Variants in MAP1LC3C observed in about 807,000 individuals in gnomAD.
The protein encoded by MAP1LC3C is microtubule associated protein 1 light chain 3 gamma, also known as microtubule-associated protein 1 light chain 3 gamma.
MAP1LC3C carries 12 observed loss-of-function variants against 10.4 expected under a neutral mutation model. The observed-to-expected ratio is 1.15, with a 90% CI of 0.74 to 1.86. The LOEUF is 1.86. Ranked by LOEUF, MAP1LC3C falls within the 40% of genes most tolerant of loss-of-function variation. MAP1LC3C has a pLI of 0.00. For missense variants in MAP1LC3C, 177 were observed against 185.7 expected, an observed-to-expected ratio of 0.95 and a Z score of 0.27; for synonymous variants, 70 against 69.0, an observed-to-expected ratio of 1.01 and a Z score of -0.07.
upstream of MAP1LC3C, among the ~76,000 whole-genome samples, chr1:241,999,648 A>C (rs1665157083): frequency 2.0e-5 from 3 of 152,274 alleles, no homozygotes; most frequent in Non-Finnish European, 4.4e-5. Context: ...ATCTCTACTA[A>C]AAATACAAAA....
chr1:241,999,403 T>G (rs921939751), upstream of MAP1LC3C, among the ~76,000 whole-genome samples: 1 of 152,176 alleles, frequency 6.6e-6, no homozygotes, highest in South Asian at 2.1e-4. Flanking sequence ...CCAAGCTGGA[T>G]CCACCTCAGC....
rs1475447105 is a variant in MAP1LC3C, at chr1:241,996,211, G to T, written c.396C>A (p.Ala132=). The change falls in exon 4 of 4, where the codon GCC becomes GCA. Residue 132 remains alanine (A), a synonymous_variant. Transcript: ENST00000357246. ...CCTCAAGGCTGCTCCCATCCCTGGG[G>T]GCTGCTGACTCCAGGCAGCCAAATG... ...QETFGCLESA[A]PRDGSSLEDR... 5 of 1,614,014 alleles carry T rather than the reference G, an allele frequency of 3.1e-6. No homozygotes were observed. The African/African-American group carries it at 6.7e-5, about 22-fold the overall frequency.
chr1:242,000,195 C>G (rs1161070761), upstream of MAP1LC3C, among the ~76,000 whole-genome samples: 2 of 152,216 alleles, frequency 1.3e-5, no homozygotes, highest in East Asian at 3.9e-4. Flanking sequence ...TCCCACAAGA[C>G]TGTCCCCCAC....
chr1:241,998,021 CTTTTTTTTT>C (rs58237405), intron 3 of MAP1LC3C, among the ~76,000 whole-genome samples: 2 of 95,414 alleles, frequency 2.1e-5, no homozygotes, highest in Non-Finnish European at 2.0e-5. Context: ...TAGAGTAATT[CTTTTTTTTT>C]TTTTTTTTTT....
In MAP1LC3C at chr1:241,996,252, A is replaced by G; in HGVS notation, c.355T>C (p.Tyr119His). The change falls in exon 4 of 4, where the codon TAC becomes CAC. Residue 119 changes from tyrosine (Y) to histidine (H), a missense_variant. Transcript: ENST00000357246. ...CAGCCAAATGTCTCCTGGGAGGCGT[A>G]GGTCATGTACACGAAGCCATCCTCA... Reference protein sequence around the residue: ...KDEDGFVYMTYASQETFGCLE... With the variant: ...KDEDGFVYMTHASQETFGCLE... 1 of 1,614,190 alleles carries G rather than the reference A, an allele frequency of 6.2e-7. No homozygotes were observed. Among genetic ancestry groups the G allele is most frequent in the Non-Finnish European group, 8.5e-7 (1 of 1,180,022 alleles).
chr1:242,000,000 A>G (rs189732891), upstream of MAP1LC3C, among the ~76,000 whole-genome samples: 19 of 151,816 alleles, frequency 1.3e-4, no homozygotes, highest in African/African-American at 3.9e-4. Context: ...ACCAAACTCC[A>G]TTTCTCCTAT....
At position 241,998,386 on chromosome 1, in the gene MAP1LC3C, A is replaced by G. The variant is rs894620268; in HGVS notation, c.221+128T>C. ...CTAGTGAATCTAAAAGGTGACTTCA[A>G]AAAAATCTCTTTCCTCTCTTCCCCT... On this transcript the variant is annotated intron_variant, in intron 3 of 3. Coordinates refer to ENST00000357246, the MANE Select transcript of MAP1LC3C (RefSeq NM_001004343.3). 3.0e-5 allele frequency: 22 copies of G among 722,522 alleles called. 1 individual carries two copies. The South Asian group carries it at 3.8e-4, about 13-fold the overall frequency. 44.8% of individuals were successfully genotyped at this position (722,522 alleles called of 1,614,324 possible).
chr1:241,998,137 C>T (rs1272541039), intron 3 of MAP1LC3C, among the ~76,000 whole-genome samples: 3 of 148,376 alleles, frequency 2.0e-5, no homozygotes, highest in Non-Finnish European at 4.4e-5. Flanking sequence ...ATTCTCCTGC[C>T]TCAGCCTCCC....
chr1:241,999,119 G>A, upstream of MAP1LC3C: 2 of 1,482,092 alleles, frequency 1.3e-6, no homozygotes, highest in East Asian at 2.3e-5. Flanking sequence ...GCCTGAAGGA[G>A]GCCCTTATGT....
chr1:241,999,797 G>A (rs1470905365), upstream of MAP1LC3C, among the ~76,000 whole-genome samples: 6 of 152,102 alleles, frequency 3.9e-5, no homozygotes, highest in East Asian at 1.2e-3. Context: ...CAACAAGAGC[G>A]AAACTTCATC....
chr1:241,998,588 G>C lies in MAP1LC3C; in HGVS notation c.147C>G (p.Phe49Leu). The change falls in exon 3 of 4, where the codon TTC becomes TTG. Residue 49 changes from phenylalanine (F) to leucine (L), a missense_variant. Phe to Leu is a conservative substitution (Grantham distance 22). Coordinates refer to ENST00000357246, the MANE Select transcript of MAP1LC3C (RefSeq NM_001004343.3). ...VVVERYPRETFLPPLDKTKFL... is the reference protein window; with the variant it reads ...VVVERYPRETLLPPLDKTKFL... ...ACTTGGTTTTGTCCAGCGGGGGCAG[G>C]AACGTCTCCCTGGGGTAGCGCTCCA... is the stretch of plus-strand genomic sequence containing the variant. The C allele has an allele frequency of 6.2e-7, 1 of 1,612,858 alleles. No homozygotes were observed. Among genetic ancestry groups the C allele is most frequent in the Non-Finnish European group, 8.5e-7 (1 of 1,179,650 alleles).
upstream of MAP1LC3C, among the ~76,000 whole-genome samples, chr1:242,001,393 C>T (rs1329266147): frequency 6.6e-6 from 1 of 152,180 alleles, no homozygotes; most frequent in African/African-American, 2.4e-5. Context: ...GTGGGCAGAT[C>T]ACCTGAGGTC....
chr1:241,997,622 T>C (rs1665110425), intron 3 of MAP1LC3C, among the ~76,000 whole-genome samples: 1 of 152,162 alleles, frequency 6.6e-6, no homozygotes, highest in South Asian at 2.1e-4. Flanking sequence ...ACTCATCGGG[T>C]ATATTTACTT....
rs1251437235 is a variant in MAP1LC3C at position 241,998,691 on chromosome 1, AGCT to A, written c.115-74_115-72del. ...TAGGAACTTGGAACAGACAGAGGGA[AGCT>A]GTTGGCTGCTCTTGGTTTTTCAGAG... On this transcript the variant is annotated intron_variant, in intron 2 of 3. Transcript: ENST00000357246. 4.4e-6 allele frequency: 7 copies of A among 1,607,824 alleles called. No homozygotes were observed. The East Asian group carries it at 1.3e-4, about 31-fold the overall frequency.
At chr1:241,996,990 C>G (rs1558178800) in intron 3 of MAP1LC3C, among the ~76,000 whole-genome samples, 1 of 145,820 alleles carries the variant, frequency 6.9e-6, no homozygotes, top group Non-Finnish European at 1.5e-5. Flanking sequence ...TGATATTTCA[C>G]TTTTTTTTTT....
In MAP1LC3C at chr1:241,998,645, AAT is replaced by A. The variant is rs533348125; in HGVS notation, c.115-27_115-26del. ...CCTGTCAAGAGTGTCAGTCCTTAAG[AAT>A]GTGACTCAGCGTGAGTGTTAGGAAC... On this transcript the variant is annotated intron_variant, in intron 2 of 3. Coordinates refer to ENST00000357246, the MANE Select transcript of MAP1LC3C (RefSeq NM_001004343.3). 8.1e-5 allele frequency: 130 copies of A among 1,607,308 alleles called. No homozygotes were observed. The East Asian group carries it at 2.5e-3, about 31-fold the overall frequency.
intron 2 of MAP1LC3C, 31 bp downstream of exon 2, chr1:241,998,745 G>A (rs1558179564): frequency 6.3e-7 from 1 of 1,586,390 alleles, no homozygotes; most frequent in Non-Finnish European, 8.7e-7. Context: ...CCACCCCCAC[G>A]CCCCCCAGCG....
intron 2 of MAP1LC3C, 56 bp from the exon 3 acceptor site, chr1:241,998,676 G>C: frequency 6.2e-7 from 1 of 1,608,196 alleles, no homozygotes; most frequent in South Asian, 1.1e-5. Context: ...TAGGAACTTG[G>C]AACAGACAGA....
chr1:242,000,436 C>T (rs1031442266), upstream of MAP1LC3C, among the ~76,000 whole-genome samples: 3 of 152,108 alleles, frequency 2.0e-5, no homozygotes, highest in Non-Finnish European at 2.9e-5. Flanking sequence ...GCCATGTTGG[C>T]TAGGCTGGTC....
Sources: gnomAD v4.1 joint callset for allele counts (sites outside exome capture counted in the v4.1 genomes callset) on GRCh38, gnomAD v4.1.1 for gene constraint, MANE v1.5 for transcripts, NCBI Gene and HGNC (gene_info 2026-07-23, HGNC 2026-07-21) for gene names.